CFAP61: variants seen among roughly 807,000 people sequenced by gnomAD.
The protein encoded by CFAP61 is cilia and flagella associated protein 61, also known as cilia- and flagella-associated protein 61.
In CFAP61, 107 loss-of-function variants were observed where a neutral mutation model predicts 135.6. The observed-to-expected ratio is 0.79, with a 90% CI of 0.67 to 0.93. The LOEUF (loss-of-function observed/expected upper bound fraction) is 0.93, where lower values mean the gene tolerates loss of function less well. Among genes scored for constraint, CFAP61 ranks in the 40% least tolerant of loss-of-function variants. The pLI is 0.00. For missense variants in CFAP61, 1,507 were observed against 1,556.2 expected (o/e 0.97, Z 0.53); for synonymous variants, 575 against 578.5 (o/e 0.99, Z 0.09).
intron 25 of CFAP61, among the ~76,000 whole-genome samples, chr20:20,304,634 G>A (rs145370343): frequency 1.2e-3 from 181 of 151,750 alleles, no homozygotes; most frequent in Non-Finnish European, 2.0e-3. Context: ...CAGTGCCCCC[G>A]CCTGCCAACT....
At position 20,056,633 on chromosome 20, in the gene CFAP61, C is replaced by CT; in HGVS notation, c.-17dup. 1 of 1,611,692 alleles carries CT rather than the reference C, an allele frequency of 6.2e-7. No homozygotes were observed. The highest frequency in any genetic ancestry group is 8.5e-7 in the Non-Finnish European group (1 of 1,179,104). On this transcript the variant is annotated 5_prime_UTR_variant, in exon 2 of 27. An upstream open reading frame in the 5' UTR gains an earlier in-frame stop. Transcript: ENST00000245957. ...AGATTAATAGTGGACTTTTTTCTCT[C>CT]TTTTGGGGACAGGATAAAAAATGTC...
chr20:20,252,736 G>A (rs1476503889), intron 20 of CFAP61, among the ~76,000 whole-genome samples: 2 of 152,146 alleles, frequency 1.3e-5, no homozygotes, highest in African/African-American at 4.8e-5. Flanking sequence ...TTTCCTTCAC[G>A]TCGCCAAGCG....
At chr20:20,188,121 C>T in intron 14 of CFAP61, 65 bp downstream of exon 14, 2 of 1,543,194 alleles carry the variant, frequency 1.3e-6, no homozygotes, top group Non-Finnish European at 1.8e-6. Flanking sequence ...GTAGATTCAG[C>T]CCTGAAACTT....
chr20:20,129,005 T>A (rs1221550749), intron 8 of CFAP61, among the ~76,000 whole-genome samples: 4 of 151,588 alleles, frequency 2.6e-5, no homozygotes, highest in African/African-American at 7.3e-5. Context: ...TTATTATAAT[T>A]GTTATAACTA....
intron 8 of CFAP61, among the ~76,000 whole-genome samples, chr20:20,127,794 G>A (rs2050183698): frequency 6.6e-6 from 1 of 151,714 alleles, no homozygotes. Flanking sequence ...GGGTGGGTAG[G>A]GAAGGACCAT....
chr20:20,295,212 C>G (rs1210361428), intron 24 of CFAP61, among the ~76,000 whole-genome samples: 1 of 152,074 alleles, frequency 6.6e-6, no homozygotes, highest in African/African-American at 2.4e-5. Context: ...AGTCAGCCCT[C>G]CTAAACACAA....
intron 8 of CFAP61, among the ~76,000 whole-genome samples, chr20:20,099,378 C>A (rs2047838736): frequency 6.6e-6 from 1 of 152,276 alleles, no homozygotes; most frequent in South Asian, 2.1e-4. Context: ...ATTTTCACCA[C>A]GTTCAATTAG....
At chr20:20,126,006 T>A (rs1600806033) in intron 8 of CFAP61, among the ~76,000 whole-genome samples, 1 of 151,812 alleles carries the variant, frequency 6.6e-6, no homozygotes, top group East Asian at 1.9e-4. Context: ...CTTTAAAGTT[T>A]GTTTTGTCTG....
intron 8 of CFAP61, among the ~76,000 whole-genome samples, chr20:20,139,517 CAT>C (rs1382555390): frequency 2.0e-5 from 3 of 152,202 alleles, no homozygotes; most frequent in Non-Finnish European, 2.9e-5. Context: ...TATTTTTAGT[CAT>C]GTGTTACACA....
At chr20:20,085,378 G>C (rs991143246) in intron 6 of CFAP61, 2 of 1,341,244 alleles carry the variant, frequency 1.5e-6, no homozygotes, top group African/African-American at 3.0e-5. Flanking sequence ...ATTAGCACTC[G>C]GGCTGATGCA....
At chr20:20,144,202 A>G (rs1400451100) in intron 9 of CFAP61, among the ~76,000 whole-genome samples, 1 of 152,252 alleles carries the variant, frequency 6.6e-6, no homozygotes, top group Non-Finnish European at 1.5e-5. Flanking sequence ...GGAATCCAAT[A>G]AAGAATTACC....
intron 13 of CFAP61, among the ~76,000 whole-genome samples, chr20:20,171,011 C>G (rs2054179027): frequency 6.6e-6 from 1 of 152,172 alleles, no homozygotes. Context: ...GGTAAGAAAA[C>G]TGAGACACAG....
intron 13 of CFAP61, among the ~76,000 whole-genome samples, chr20:20,174,065 C>T (rs1043308470): frequency 3.3e-5 from 5 of 152,160 alleles, no homozygotes; most frequent in African/African-American, 1.2e-4. Flanking sequence ...TTCTTCGTAA[C>T]CTTTTTCAGT....
chr20:20,113,135 C>T (rs1346433662), intron 8 of CFAP61, among the ~76,000 whole-genome samples: 1 of 152,182 alleles, frequency 6.6e-6, no homozygotes, highest in Non-Finnish European at 1.5e-5. Flanking sequence ...TGTGCATTCT[C>T]TGTTTATAAG....
At chr20:20,164,475 T>A (rs2053656640) in intron 11 of CFAP61, among the ~76,000 whole-genome samples, 1 of 152,186 alleles carries the variant, frequency 6.6e-6, no homozygotes, top group Non-Finnish European at 1.5e-5. Flanking sequence ...TCTGGAAAAT[T>A]ATCACTTACA....
At chr20:20,150,481 A>C (rs963037822) in intron 9 of CFAP61, among the ~76,000 whole-genome samples, 1 of 152,140 alleles carries the variant, frequency 6.6e-6, no homozygotes, top group African/African-American at 2.4e-5. Context: ...TGACAGAACA[A>C]CCCTGCTCCA....
intron 25 of CFAP61, among the ~76,000 whole-genome samples, chr20:20,303,358 GTGTT>G (rs1179503117): frequency 1.3e-5 from 2 of 152,140 alleles, no homozygotes; most frequent in African/African-American, 2.4e-5. Flanking sequence ...TTTGTGATGA[GTGTT>G]TGGGATGGCA....
chr20:20,203,816 G>A (rs1475802049), intron 17 of CFAP61, among the ~76,000 whole-genome samples: 1 of 152,110 alleles, frequency 6.6e-6, no homozygotes, highest in East Asian at 1.9e-4. Context: ...GGAGCTTCCA[G>A]TCTAGTTTCA....
intron 25 of CFAP61, among the ~76,000 whole-genome samples, chr20:20,337,320 G>A (rs1470472375): frequency 3.2e-5 from 4 of 124,248 alleles, no homozygotes; most frequent in African/African-American, 6.1e-5. Context: ...ATGGATGGAT[G>A]GATGGATGGA....
Sources: allele counts gnomAD v4.1 joint callset (sites outside exome capture counted in the v4.1 genomes callset), GRCh38; gene constraint gnomAD v4.1.1; transcripts MANE v1.5; gene names NCBI Gene and HGNC (gene_info 2026-07-23, HGNC 2026-07-21).